TSPYL6: variants seen among roughly 807,000 people sequenced by gnomAD.
TSPYL6 encodes testis-specific Y-encoded-like protein 6.
For synonymous variants in TSPYL6, 259 were observed against 214.8 expected, an observed-to-expected ratio of 1.21 and a Z score of -1.80; for missense variants, 699 against 531.5, an observed-to-expected ratio of 1.32 and a Z score of -3.10.
In TSPYL6 at chr2:54,255,021, T is replaced by C. The variant is rs772311171; in HGVS notation, c.1131A>G (p.Pro377=). 9.3e-6 allele frequency: 15 copies of C among 1,613,838 alleles called. No individual in the cohort carries two copies. Among genetic ancestry groups the C allele is most frequent in the Non-Finnish European group, 1.3e-5 (15 of 1,179,960 alleles). The part of the protein sequence containing the change: ...QIIKEDLWSN[P]LQYYLLGEDA... Reference sequence around the variant, plus strand: ...CTTCACCCAACAGGTAGTACTGCAGTGGATTTGACCAGAGGTCCTCTTTAA... The same window carrying C: ...CTTCACCCAACAGGTAGTACTGCAGCGGATTTGACCAGAGGTCCTCTTTAA... The change falls in exon 1 of 1, where the codon CCA becomes CCG. Residue 377 remains proline (P), a synonymous_variant. Transcript: ENST00000317802.
In TSPYL6 at chr2:54,255,678, G is replaced by A. The variant is rs891530256; in HGVS notation, c.474C>T (p.Phe158=). The change falls in exon 1 of 1, where the codon TTC becomes TTT. Residue 158 remains phenylalanine (F), a synonymous_variant. Coordinates refer to ENST00000317802, the MANE Select transcript of TSPYL6 (RefSeq NM_001003937.3). ...EDVKPEECAM[F]SAPVDEKPGG... is the part of the protein sequence containing the mutation. Reference sequence around the variant, plus strand: ...CTGGCTTCTCATCCACTGGGGCTGAGAACATGGCACACTCCTCAGGCTTCA... The same window carrying A: ...CTGGCTTCTCATCCACTGGGGCTGAAAACATGGCACACTCCTCAGGCTTCA... 1 of 1,613,750 alleles carries A rather than the reference G, an allele frequency of 6.2e-7. No individual in the cohort carries two copies. Among genetic ancestry groups the A allele is most frequent in the African/African-American group, 1.3e-5 (1 of 74,912 alleles).
Position 54,254,888 on chromosome 2 carries a change from C to A in TSPYL6, c.*31G>T. ...AGGTCCAGCTGGTGGTGGCAGGCAA[C>A]CTTCTGCAGGAGTAATTCCAAAGGC... On this transcript the variant is annotated 3_prime_UTR_variant, in exon 1 of 1. Transcript: ENST00000317802. The A allele has an allele frequency of 6.3e-7, 1 of 1,585,514 alleles. No homozygotes were observed. The highest frequency in any genetic ancestry group is 1.8e-5 in the Admixed American group (1 of 55,486).
At position 54,254,297 on chromosome 2, in the gene TSPYL6, T is replaced by C. The variant is rs1687377384; in HGVS notation, c.*622A>G. The stretch of plus-strand genomic sequence containing the variant: ...CCACCAGTGTTCTGGAGATCCCTGT[T>C]TATTAGAAACCAGAGAGTGGAGCTG... On this transcript the variant is annotated 3_prime_UTR_variant, in exon 1 of 1. Coordinates refer to ENST00000317802, the MANE Select transcript of TSPYL6 (RefSeq NM_001003937.3). 1 of 152,338 alleles carries C rather than the reference T, an allele frequency of 6.6e-6. No individual in the cohort carries two copies. The highest frequency in any genetic ancestry group is 2.4e-5 in the African/African-American group (1 of 41,448). The allele number at this position is 152,338 out of a possible 1,614,324, so 9.4% of individuals were successfully genotyped here. A position where few individuals can be genotyped will look rare whatever the true frequency, so the allele number is the denominator to read the frequency against.
At position 54,255,619 on chromosome 2, in the gene TSPYL6, C is replaced by G. The variant is rs1687470707; in HGVS notation, c.533G>C (p.Arg178Thr). 2 of 1,613,662 alleles carry G rather than the reference C, an allele frequency of 1.2e-6. No homozygotes were observed. Among genetic ancestry groups the G allele is most frequent in the Non-Finnish European group, 1.7e-6 (2 of 1,179,986 alleles). ...CTCCCTGTTTACCTCATCTATTGCT[C>G]TGTTTTCTTCCGCCACGTCCATTTC... ...GEEMDVAEEN[R>T]AIDEVNREAG... is the part of the protein sequence containing the mutation. Residue 178 changes from arginine (R) to threonine (T), a missense_variant, in exon 1 of 1, where the codon AGA becomes ACA. By Grantham distance (71) the Arg-to-Thr change is moderately conservative. Coordinates refer to ENST00000317802, the MANE Select transcript of TSPYL6 (RefSeq NM_001003937.3).
At position 54,255,584 on chromosome 2, in the gene TSPYL6, C is replaced by CGGGCCT; in HGVS notation, c.567_568insAGGCCC (p.Pro189_Gly190insArgPro). Reference sequence around the variant, plus strand: ...ACGTTCAGGGGCCCGGGCCCGGGCCCAGGCCCTGCCTCCCTGTTTACCTCA... The same window carrying CGGGCCT: ...ACGTTCAGGGGCCCGGGCCCGGGCCCGGGCCTAGGCCCTGCCTCCCTGTTTACCTCA... On this transcript the variant is annotated inframe_insertion, in exon 1 of 1. Transcript: ENST00000317802. 1 of 1,613,444 alleles carries CGGGCCT rather than the reference C, an allele frequency of 6.2e-7. No homozygotes were observed. The highest frequency in any genetic ancestry group is 1.3e-5 in the African/African-American group (1 of 74,970).
rs1263462399 is a variant in TSPYL6, at chr2:54,253,576, G to A, written c.*1343C>T. 5 of 152,056 alleles carry A rather than the reference G, an allele frequency of 3.3e-5. No individual in the cohort carries two copies. The highest frequency in any genetic ancestry group is 6.6e-5 in the Admixed American group (1 of 15,264). 9.4% of individuals were successfully genotyped at this position (152,056 alleles called of 1,614,324 possible). On this transcript the variant is annotated 3_prime_UTR_variant, in exon 1 of 1. Coordinates refer to ENST00000317802, the MANE Select transcript of TSPYL6 (RefSeq NM_001003937.3). Reference sequence around the variant, plus strand: ...CTCCAACCATCTTCTATTCTTCTACGTGCATACTAAAAAAAAGTACTTCTC... The same window carrying A: ...CTCCAACCATCTTCTATTCTTCTACATGCATACTAAAAAAAAGTACTTCTC...
In TSPYL6 at chr2:54,254,841, C is replaced by G. The variant is rs540061426; in HGVS notation, c.*78G>C. The stretch of plus-strand genomic sequence containing the variant: ...CAGAACAAAAAAAGTAAAGGGCATA[C>G]CTAATGCTGTTGCCCAAGCTCAGGT... On this transcript the variant is annotated 3_prime_UTR_variant, in exon 1 of 1. Coordinates refer to ENST00000317802, the MANE Select transcript of TSPYL6 (RefSeq NM_001003937.3). The G allele has an allele frequency of 7.1e-6, 10 of 1,414,336 alleles. No individual in the cohort carries two copies. Among genetic ancestry groups the G allele is most frequent in the Admixed American group, 2.1e-5 (1 of 48,142 alleles). 87.6% of individuals were successfully genotyped at this position (1,414,336 alleles called of 1,614,324 possible). A position where few individuals can be genotyped will look rare whatever the true frequency, so the allele number is the denominator to read the frequency against.
Position 54,253,226 on chromosome 2 carries a change from G to T in TSPYL6, c.*1693C>A, listed in dbSNP as rs1053481908. On this transcript the variant is annotated 3_prime_UTR_variant, in exon 1 of 1. Transcript: ENST00000317802. ...TTACCCATGAACACAATAGTTTCCA[G>T]TCTTCCGCATCAGATAAGACCAAGT... is the stretch of plus-strand genomic sequence containing the variant. 6.6e-6 allele frequency: 1 copy of T among 152,204 alleles called. No homozygotes were observed. Among genetic ancestry groups the T allele is most frequent in the African/African-American group, 2.4e-5 (1 of 41,450 alleles). The allele number at this position is 152,204 out of a possible 1,614,324, so 9.4% of individuals were successfully genotyped here. A position where few individuals can be genotyped will look rare whatever the true frequency, so the allele number is the denominator to read the frequency against.
chr2:54,255,860 G>C lies in TSPYL6; in HGVS notation c.292C>G (p.Leu98Val). 3 of 1,613,980 alleles carry C rather than the reference G, an allele frequency of 1.9e-6. No individual in the cohort carries two copies. The highest frequency in any genetic ancestry group is 2.5e-6 in the Non-Finnish European group (3 of 1,180,024). ...QEVTPPPAEGLEAASASLTTD... is the reference protein window; with the variant it reads ...QEVTPPPAEGVEAASASLTTD... ...GTCAGCGAGGCAGAGGCCGCTTCTA[G>C]GCCCTCCGCGGGTGGTGGAGTCACT... is the stretch of plus-strand genomic sequence containing the variant. Residue 98 changes from leucine to valine, a missense_variant, in exon 1 of 1, where the codon CTA (leucine) becomes GTA (valine). By Grantham distance (32) the Leu-to-Val change is conservative. Coordinates refer to ENST00000317802, the MANE Select transcript of TSPYL6 (RefSeq NM_001003937.3).
chr2:54,255,328 C>T lies in TSPYL6; in HGVS notation c.824G>A (p.Ser275Asn). Reference protein sequence around the residue: ...MIRGQDAEMLSYLTNLEVKEL... With the variant: ...MIRGQDAEMLNYLTNLEVKEL... ...CTTCACTTCCAAATTGGTTAAGTAGCTTAACATCTCGGCATCTTGGCCTCT... is the reference window on the plus strand; with the variant it reads ...CTTCACTTCCAAATTGGTTAAGTAGTTTAACATCTCGGCATCTTGGCCTCT... The change falls in exon 1 of 1, where the codon AGC (serine) becomes AAC (asparagine). Residue 275 changes from serine to asparagine, a missense_variant. Ser to Asn is a conservative substitution (Grantham distance 46, BLOSUM62 1). Transcript: ENST00000317802. 1 of 1,614,186 alleles carries T rather than the reference C, an allele frequency of 6.2e-7. No homozygotes were observed. The highest frequency in any genetic ancestry group is 8.5e-7 in the Non-Finnish European group (1 of 1,180,044).
the TSPYL6 span, chr2:54,255,223 ACAAT>A: frequency 1.2e-6 from 2 of 1,614,178 alleles, no homozygotes; most frequent in Non-Finnish European, 1.7e-6. Context: ...ATACACCTTT[ACAAT>A]CAGCTTGTTT....
rs780452542 is a variant in TSPYL6, at chr2:54,255,255, T to A, written c.897A>T (p.Gln299His). 1 of 1,614,180 alleles carries A rather than the reference T, an allele frequency of 6.2e-7. No homozygotes were observed. Among genetic ancestry groups the A allele is most frequent in the Non-Finnish European group, 8.5e-7 (1 of 1,180,036 alleles). The change falls in exon 1 of 1, where the codon CAA (glutamine) becomes CAT (histidine). Residue 299 changes from glutamine to histidine, a missense_variant. Gln to His is a conservative substitution (Grantham distance 24). Transcript: ENST00000317802. ...RTGCKFKFFF[Q>H]RNPYFRNKLI... Reference sequence around the variant, plus strand: ...GCTTGTTTCTGAAGTAAGGGTTTCTTTGAAAGAAGAACTTAAACTTGCAGC... The same window carrying A: ...GCTTGTTTCTGAAGTAAGGGTTTCTATGAAAGAAGAACTTAAACTTGCAGC...
rs766661078 is a variant in TSPYL6 at position 54,254,968 on chromosome 2, A to G, written c.1184T>C (p.Val395Ala). 1 of 1,613,932 alleles carries G rather than the reference A, an allele frequency of 6.2e-7. No homozygotes were observed. The highest frequency in any genetic ancestry group is 8.5e-7 in the Non-Finnish European group (1 of 1,179,982). ...CCTGGGGATCTCCACTGGCTCCCTT[A>G]CCAGGCGACGTCTAGCTCTATGGGC... Reference protein sequence around the residue: ...EDAHRARRRLVREPVEIPRPF... With the variant: ...EDAHRARRRLAREPVEIPRPF... Residue 395 changes from valine (V) to alanine (A), a missense_variant, in exon 1 of 1, where the codon GTA becomes GCA. By Grantham distance (64) the Val-to-Ala change is moderately conservative. Coordinates refer to ENST00000317802, the MANE Select transcript of TSPYL6 (RefSeq NM_001003937.3).
rs767998320 is a variant in TSPYL6 at position 54,255,648 on chromosome 2, G to A, written c.504C>T (p.Gly168=). 1.3e-5 allele frequency: 21 copies of A among 1,613,218 alleles called. No individual in the cohort carries two copies. Among genetic ancestry groups the A allele is most frequent in the African/African-American group, 5.3e-5 (4 of 74,774 alleles). The change falls in exon 1 of 1, where the codon GGC becomes GGT. Residue 168 remains glycine (G), a synonymous_variant. Transcript: ENST00000317802. The part of the protein sequence containing the change: ...FSAPVDEKPG[G]EEMDVAEENR... ...TTTCTTCCGCCACGTCCATTTCTTC[G>A]CCTCCTGGCTTCTCATCCACTGGGG...
Position 54,254,809 on chromosome 2 carries a change from G to C in TSPYL6, c.*110C>G. 1 of 1,103,838 alleles carries C rather than the reference G, an allele frequency of 9.1e-7. No individual in the cohort carries two copies. Among genetic ancestry groups the C allele is most frequent in the Non-Finnish European group, 1.3e-6 (1 of 774,858 alleles). The allele number at this position is 1,103,838 out of a possible 1,614,324, so 68.4% of individuals were successfully genotyped here. A position where few individuals can be genotyped will look rare whatever the true frequency, so the allele number is the denominator to read the frequency against. ...ACGGAAAGTTTAAACAGAGGGTACA[G>C]GAAAGTCAGAACAAAAAAAGTAAAG... On this transcript the variant is annotated 3_prime_UTR_variant, in exon 1 of 1. Transcript: ENST00000317802.
rs972694779 is a variant in TSPYL6, at chr2:54,254,737, A to C, written c.*182T>G. 1 of 602,038 alleles carries C rather than the reference A, an allele frequency of 1.7e-6. No individual in the cohort carries two copies. Among genetic ancestry groups the C allele is most frequent in the African/African-American group, 1.8e-5 (1 of 54,100 alleles). The allele number at this position is 602,038 out of a possible 1,614,324, so 37.3% of individuals were successfully genotyped here. On this transcript the variant is annotated 3_prime_UTR_variant, in exon 1 of 1. Transcript: ENST00000317802. Reference sequence around the variant, plus strand: ...GCAGAATAGCAAGACGACCAGGTGAAAGGGGAGCAGCACAGCCACCAAGGT... The same window carrying C: ...GCAGAATAGCAAGACGACCAGGTGACAGGGGAGCAGCACAGCCACCAAGGT...
chr2:54,254,669 T>G lies in TSPYL6; in HGVS notation c.*250A>C. On this transcript the variant is annotated 3_prime_UTR_variant, in exon 1 of 1. Transcript: ENST00000317802. ...TAACCTACAGCATCATTCGCTTCGC[T>G]TAGAAGGATGTGACCCATCGGCTGG... 2.0e-6 allele frequency: 1 copy of G among 494,276 alleles called. No individual in the cohort carries two copies. Among genetic ancestry groups the G allele is most frequent in the Non-Finnish European group, 3.6e-6 (1 of 278,782 alleles). 30.6% of individuals were successfully genotyped at this position (494,276 alleles called of 1,614,324 possible).
rs1238319018 is a variant in TSPYL6 at position 54,253,781 on chromosome 2, C to T, written c.*1138G>A. 1 of 152,162 alleles carries T rather than the reference C, an allele frequency of 6.6e-6. No homozygotes were observed. The highest frequency in any genetic ancestry group is 1.5e-5 in the Non-Finnish European group (1 of 68,064). 9.4% of individuals were successfully genotyped at this position (152,162 alleles called of 1,614,324 possible). ...ATACAGCTCTGTAGTCCTTTAAACC[C>T]TCTAGGAATTGCTAAAGAGGGGTGA... On this transcript the variant is annotated 3_prime_UTR_variant, in exon 1 of 1. Coordinates refer to ENST00000317802, the MANE Select transcript of TSPYL6 (RefSeq NM_001003937.3).
Position 54,256,108 on chromosome 2 carries a change from T to C in TSPYL6, c.44A>G (p.Tyr15Cys), listed in dbSNP as rs1307101667. 25 of 1,614,058 alleles carry C rather than the reference T, an allele frequency of 1.5e-5. No individual in the cohort carries two copies. Among genetic ancestry groups the C allele is most frequent in the Non-Finnish European group, 1.7e-5 (20 of 1,179,976 alleles). Reference sequence around the variant, plus strand: ...GCCCTGGTGCGGGTCTTCCAGAGCATAGTCGAGAGTAGCGGGGCTGTGAGG... The same window carrying C: ...GCCCTGGTGCGGGTCTTCCAGAGCACAGTCGAGAGTAGCGGGGCTGTGAGG... ...ESPHSPATLD[Y>C]ALEDPHQGQR... The change falls in exon 1 of 1, where the codon TAT becomes TGT. Residue 15 changes from tyrosine (Y) to cysteine (C), a missense_variant. Tyr to Cys is a radical substitution (Grantham distance 194). Coordinates refer to ENST00000317802, the MANE Select transcript of TSPYL6 (RefSeq NM_001003937.3).
Sources: gnomAD v4.1 joint callset for allele counts on GRCh38, gnomAD v4.1.1 for gene constraint, MANE v1.5 for transcripts, NCBI Gene and HGNC (gene_info 2026-07-23, HGNC 2026-07-21) for gene names.